LHPP: variants seen among roughly 807,000 people sequenced by gnomAD.
LHPP encodes hLHPP.
Under a neutral mutation model 30.3 loss-of-function variants are expected in LHPP, and 24 were observed. The ratio of observed to expected loss-of-function variants is 0.79; its 90% CI spans 0.57 to 1.11. The LOEUF is 1.11. Ranked by LOEUF, LHPP falls within the 50% of genes most tolerant of loss-of-function variation. LHPP has a pLI of 0.00. For synonymous variants in LHPP, 150 were observed against 157.1 expected, an observed-to-expected ratio of 0.95 and a Z score of 0.34; for missense variants, 356 against 367.2, an observed-to-expected ratio of 0.97 and a Z score of 0.25.
At chr10:124,463,917 A>G (rs1031651146) in intron 1 of LHPP, among the ~76,000 whole-genome samples, 3 of 151,356 alleles carry the variant, frequency 2.0e-5, no homozygotes, top group African/African-American at 7.3e-5. Flanking sequence ...CAAGGGCTCA[A>G]GAGATCCTCC....
chr10:124,472,998 C>T (rs990930189), intron 1 of LHPP, among the ~76,000 whole-genome samples: 1 of 152,146 alleles, frequency 6.6e-6, no homozygotes, highest in South Asian at 2.1e-4. Context: ...AAAGCTTTCC[C>T]GTGGCTCTGC....
At chr10:124,470,951 G>A (rs371747223) in intron 1 of LHPP, among the ~76,000 whole-genome samples, 1 of 152,144 alleles carries the variant, frequency 6.6e-6, no homozygotes, top group East Asian at 1.9e-4. Flanking sequence ...GATGGGAGCC[G>A]GTGCTCTTTC....
chr10:124,474,185 G>T (rs1367806936), intron 1 of LHPP, among the ~76,000 whole-genome samples: 2 of 138,380 alleles, frequency 1.4e-5, no homozygotes, highest in African/African-American at 5.4e-5. Context: ...TGTCACCTAG[G>T]CTGGAGTGCA....
chr10:124,538,648 G>A (rs536159668), intron 6 of LHPP, among the ~76,000 whole-genome samples: 15 of 152,336 alleles, frequency 9.8e-5, no homozygotes, highest in African/African-American at 2.9e-4. Context: ...TGGAAGAGAC[G>A]GAGGATGAAA....
intron 1 of LHPP, among the ~76,000 whole-genome samples, chr10:124,481,651 G>A (rs1953138548): frequency 6.6e-6 from 1 of 151,710 alleles, no homozygotes; most frequent in Admixed American, 6.6e-5. Context: ...AAAGTGCTGG[G>A]GTTACAGGAC....
intron 5 of LHPP, among the ~76,000 whole-genome samples, chr10:124,515,550 C>A (rs967148311): frequency 6.6e-6 from 1 of 152,164 alleles, no homozygotes; most frequent in Non-Finnish European, 1.5e-5. Context: ...CAGACGTGAT[C>A]AATTTTACCT....
At chr10:124,536,086 G>A (rs376438534) in intron 6 of LHPP, among the ~76,000 whole-genome samples, 27 of 152,382 alleles carry the variant, frequency 1.8e-4, no homozygotes, top group African/African-American at 6.3e-4. Context: ...CGCGGAAGCC[G>A]GGGTGGAGCA....
chr10:124,559,730 G>C (rs2133969226), intron 6 of LHPP, among the ~76,000 whole-genome samples: 2 of 152,378 alleles, frequency 1.3e-5, no homozygotes, highest in South Asian at 4.1e-4. Flanking sequence ...AGTAAGCCAT[G>C]GCTGGGGAGA....
At chr10:124,583,584 C>T (rs1397110373) in intron 6 of LHPP, among the ~76,000 whole-genome samples, 1 of 152,168 alleles carries the variant, frequency 6.6e-6, no homozygotes, top group Non-Finnish European at 1.5e-5. Flanking sequence ...TCTGGGAAGC[C>T]TCAGGAAGCT....
chr10:124,468,627 T>C (rs1952632322), intron 1 of LHPP, among the ~76,000 whole-genome samples: 1 of 152,170 alleles, frequency 6.6e-6, no homozygotes. Flanking sequence ...TTACACAGAC[T>C]TCTTGGTGGG....
At position 124,568,951 on chromosome 10, in the gene LHPP, C is replaced by A. The variant is rs575184882; in HGVS notation, c.717-44313C>A. ...CTGGCGACTGGCATGTTCTGTCCCC[C>A]CCACGGCTCCCAGCGTGCTCCCAGC... On this transcript the variant is annotated intron_variant, in intron 6 of 6. Coordinates refer to ENST00000368842, the MANE Select transcript of LHPP (RefSeq NM_022126.4). 9.1e-3 allele frequency among the ~76,000 whole-genome samples: 1,378 copies of A among 152,242 alleles called. 18 individuals are homozygous for A. The highest frequency in any genetic ancestry group is 0.015 in the Non-Finnish European group (1,019 of 68,014).
chr10:124,496,420 G>A lies in LHPP; in HGVS notation c.468-541G>A, dbSNP rs891528412. Among the ~76,000 whole-genome samples, 1 of 152,200 alleles carries A rather than the reference G, an allele frequency of 6.6e-6. No homozygotes were observed. Among genetic ancestry groups the A allele is most frequent in the African/African-American group, 2.4e-5 (1 of 41,444 alleles). ...CTCCATGAGACGGGAAGGAACAGTTGTCTTCTCATAAAAGCATCTGGCGCC... is the reference window on the plus strand; with the variant it reads ...CTCCATGAGACGGGAAGGAACAGTTATCTTCTCATAAAAGCATCTGGCGCC... On this transcript the variant is annotated intron_variant, in intron 3 of 6. Transcript: ENST00000368842. This position sits in a 1 kb window ranked among gnomAD's most constrained non-coding sequence, Gnocchi z 4.3.
chr10:124,476,828 C>T (rs889297015), intron 1 of LHPP, among the ~76,000 whole-genome samples: 2 of 152,182 alleles, frequency 1.3e-5, no homozygotes, highest in Admixed American at 1.3e-4. Flanking sequence ...CATGCGTGTT[C>T]AATCTCCATT....
At chr10:124,490,740 C>T (rs908576357) in intron 3 of LHPP, among the ~76,000 whole-genome samples, 10 of 152,168 alleles carry the variant, frequency 6.6e-5, no homozygotes, top group Admixed American at 1.3e-4. Context: ...AGTTACAGAA[C>T]GAGTATTTTT....
chr10:124,533,715 A>G (rs1270074016), intron 6 of LHPP, among the ~76,000 whole-genome samples: 1 of 152,146 alleles, frequency 6.6e-6, no homozygotes, highest in Non-Finnish European at 1.5e-5. Flanking sequence ...TATATCCAAG[A>G]CACAGCCCAG....
intron 1 of LHPP, among the ~76,000 whole-genome samples, chr10:124,476,933 G>A (rs1810160935): frequency 6.6e-6 from 1 of 152,176 alleles, no homozygotes; most frequent in African/African-American, 2.4e-5. Context: ...AAGGCCGGGT[G>A]CCGGTGGCTT....
At chr10:124,582,702 A>C (rs764793180) in intron 6 of LHPP, among the ~76,000 whole-genome samples, 11 of 152,174 alleles carry the variant, frequency 7.2e-5, no homozygotes, top group Non-Finnish European at 1.5e-5. Context: ...AGAGAAAAGA[A>C]AATTTAAGAA....
chr10:124,488,101 C>A (rs894069823), intron 2 of LHPP, among the ~76,000 whole-genome samples: 2 of 152,180 alleles, frequency 1.3e-5, no homozygotes, highest in African/African-American at 4.8e-5. Context: ...AGCAGATTTC[C>A]CTTCTCAGTA....
At chr10:124,491,271 G>A (rs1395205586) in intron 3 of LHPP, among the ~76,000 whole-genome samples, 3 of 152,236 alleles carry the variant, frequency 2.0e-5, no homozygotes, top group Admixed American at 6.5e-5. Flanking sequence ...GGTGGCGGAG[G>A]AAGTGTTTTC....
Sources: gnomAD v4.1 joint callset for allele counts (sites outside exome capture counted in the v4.1 genomes callset) on GRCh38, gnomAD v4.1.1 for gene constraint, Gnocchi (gnomAD v3.1) non-coding constraint, MANE v1.5 for transcripts, NCBI Gene and HGNC (gene_info 2026-07-23, HGNC 2026-07-21) for gene names.